Variants in PTPRD observed in about 807,000 individuals in gnomAD.
PTPRD encodes receptor-type tyrosine-protein phosphatase delta.
A neutral mutation model predicts 214.5 loss-of-function variants in PTPRD; 34 were observed. That is an observed-to-expected ratio of 0.16 (90% CI 0.12 to 0.21). The LOEUF (loss-of-function observed/expected upper bound fraction) is 0.21, where lower values mean the gene tolerates loss of function less well. Among genes scored for constraint, PTPRD ranks in the 10% least tolerant of loss-of-function variants. The pLI, the probability that PTPRD is intolerant of heterozygous loss-of-function variation, is 1.00. For synonymous variants in PTPRD, 1,128 were observed against 845.7 expected, an observed-to-expected ratio of 1.33 and a Z score of -5.79; for missense variants, 2,545 against 2,398.7, an observed-to-expected ratio of 1.06 and a Z score of -1.27.
In PTPRD at chr9:9,505,299, T is replaced by G. The variant is rs181604343; in HGVS notation, c.-237+69433A>C. Among the ~76,000 whole-genome samples, 138 of 151,750 alleles carry G rather than the reference T, an allele frequency of 9.1e-4. 1 individual carries two copies. The highest frequency in any genetic ancestry group is 3.0e-3 in the African/African-American group (125 of 41,496). On this transcript the variant is annotated intron_variant, in intron 8 of 45. Coordinates refer to ENST00000381196, the MANE Select transcript of PTPRD (RefSeq NM_002839.4). ...AGATCCATTTTTTTAAATCCTTCTC[T>G]TCTTTATAGATCATTTCATATCGTC...
At chr9:10,029,013 G>A (rs965218904) in intron 4 of PTPRD, among the ~76,000 whole-genome samples, 2 of 152,120 alleles carry the variant, frequency 1.3e-5, no homozygotes, top group Non-Finnish European at 2.9e-5. Context: ...GGTGCCCTGT[G>A]TCCCAGCTGC....
intron 14 of PTPRD, among the ~76,000 whole-genome samples, chr9:8,627,685 T>C (rs1209462149): frequency 2.0e-5 from 3 of 151,736 alleles, no homozygotes; most frequent in Non-Finnish European, 2.9e-5. Flanking sequence ...CCTCAAAAGA[T>C]AGATCAGAAG....
chr9:10,303,778 A>G (rs1255679668), intron 3 of PTPRD, among the ~76,000 whole-genome samples: 1 of 152,162 alleles, frequency 6.6e-6, no homozygotes, highest in African/African-American at 2.4e-5. Context: ...TTAATAGTCT[A>G]CCAACCAAAA....
intron 7 of PTPRD, among the ~76,000 whole-genome samples, chr9:9,579,936 AAGAG>A (rs1300755822): frequency 6.6e-6 from 1 of 152,098 alleles, no homozygotes; most frequent in Admixed American, 6.6e-5. Context: ...TCCCACTTAT[AAGAG>A]AGAATATGCA....
intron 14 of PTPRD, among the ~76,000 whole-genome samples, chr9:8,607,529 G>C (rs1275111120): frequency 6.6e-6 from 1 of 152,160 alleles, no homozygotes; most frequent in East Asian, 1.9e-4. Context: ...TGTAATACCA[G>C]CTGCTCAGGA....
chr9:8,496,344 C>T (rs185448554), intron 26 of PTPRD, among the ~76,000 whole-genome samples: 1 of 152,172 alleles, frequency 6.6e-6, no homozygotes, highest in Admixed American at 6.5e-5. Context: ...TGACACTGTC[C>T]ACTAATTTAC....
intron 10 of PTPRD, among the ~76,000 whole-genome samples, chr9:9,102,084 A>T (rs1370606334): frequency 6.6e-6 from 1 of 152,018 alleles, no homozygotes; most frequent in Non-Finnish European, 1.5e-5. Context: ...AAGCATACAG[A>T]CTCTTCTTTT....
At position 8,485,259 on chromosome 9, in the gene PTPRD, G is replaced by C. The variant is rs2135859528; in HGVS notation, c.3121C>G (p.Pro1041Ala). 1 of 1,613,960 alleles carries C rather than the reference G, an allele frequency of 6.2e-7. No individual in the cohort carries two copies. The highest frequency in any genetic ancestry group is 8.5e-7 in the Non-Finnish European group (1 of 1,179,938). The change falls in exon 29 of 46, where the codon CCA (proline) becomes GCA (alanine). Residue 1041 changes from proline to alanine, a missense_variant. Coordinates refer to ENST00000381196, the MANE Select transcript of PTPRD (RefSeq NM_002839.4). ...GGCATGGCGGAGTTATAATTCTCTG[G>C]AATCTCCCAAGACAGCAACACGGAA... ...KTSVLLSWEI[P>A]ENYNSAMPFK...
At chr9:9,301,744 T>C (rs1237785757) in intron 9 of PTPRD, among the ~76,000 whole-genome samples, 2 of 151,908 alleles carry the variant, frequency 1.3e-5, no homozygotes, top group Non-Finnish European at 2.9e-5. Flanking sequence ...ATTGCACTAA[T>C]TATAGGTATA....
intron 11 of PTPRD, among the ~76,000 whole-genome samples, chr9:8,996,060 G>A (rs562496392): frequency 6.6e-6 from 1 of 151,934 alleles, no homozygotes; most frequent in Non-Finnish European, 1.5e-5. Context: ...TTCTTATAAA[G>A]GTAAACATAC....
At chr9:9,794,690 G>A (rs2098990962) in intron 5 of PTPRD, among the ~76,000 whole-genome samples, 1 of 152,104 alleles carries the variant, frequency 6.6e-6, no homozygotes, top group South Asian at 2.1e-4. Context: ...GAATTACTAT[G>A]TTCTCAATTT....
At chr9:9,578,319 T>G (rs1463256886) in intron 7 of PTPRD, among the ~76,000 whole-genome samples, 1 of 152,086 alleles carries the variant, frequency 6.6e-6, no homozygotes, top group East Asian at 1.9e-4. Context: ...TTTTAGTATT[T>G]CTGTAGATAA....
At chr9:8,546,769 G>A (rs959620355) in intron 14 of PTPRD, among the ~76,000 whole-genome samples, 5 of 152,136 alleles carry the variant, frequency 3.3e-5, no homozygotes, top group Non-Finnish European at 7.4e-5. Context: ...CCAAAGTCCT[G>A]GGATTCCAGG....
At chr9:9,614,446 G>C (rs2094727291) in intron 7 of PTPRD, among the ~76,000 whole-genome samples, 1 of 152,106 alleles carries the variant, frequency 6.6e-6, no homozygotes, top group Non-Finnish European at 1.5e-5. Context: ...TCAATGCAAT[G>C]TAAAAGACTG....
rs567233377 is a variant in PTPRD at position 9,420,506 on chromosome 9, C to T, written c.-236-23024G>A. On this transcript the variant is annotated intron_variant, in intron 8 of 45. Transcript: ENST00000381196. ...TATTTTAAAATACCTACACTGTAAT[C>T]GGGGAATACAAATCAAAATTTTACA... Among the ~76,000 whole-genome samples the T allele has an allele frequency of 3.3e-5, 5 of 151,862 alleles. No homozygotes were observed. The South Asian group carries it at 8.3e-4, about 25-fold the overall frequency.
In PTPRD at chr9:9,308,467, T is replaced by A. The variant is rs535169343; in HGVS notation, c.-203+88982A>T. 3.3e-5 allele frequency among the ~76,000 whole-genome samples: 5 copies of A among 152,310 alleles called. No individual in the cohort carries two copies. In the South Asian group the frequency reaches 1.0e-3, roughly 32 times the overall value. The stretch of plus-strand genomic sequence containing the variant: ...TAATATCATGTTACTTATTGAAGCA[T>A]CATTTCTTGAGAATAAATCATTGGA... On this transcript the variant is annotated intron_variant, in intron 9 of 45. Coordinates refer to ENST00000381196, the MANE Select transcript of PTPRD (RefSeq NM_002839.4).
chr9:9,142,081 G>A (rs1254498927), intron 10 of PTPRD, among the ~76,000 whole-genome samples: 1 of 152,246 alleles, frequency 6.6e-6, no homozygotes, highest in Non-Finnish European at 1.5e-5. Context: ...CAATGTGCCA[G>A]TCTGTTCCTT....
intron 6 of PTPRD, among the ~76,000 whole-genome samples, chr9:9,756,555 G>C (rs1368572640): frequency 2.6e-5 from 4 of 152,070 alleles, no homozygotes; most frequent in Non-Finnish European, 5.9e-5. Flanking sequence ...TATTCAAGTG[G>C]AGCAGATAGG....
intron 7 of PTPRD, among the ~76,000 whole-genome samples, chr9:9,724,589 G>A (rs1315760859): frequency 6.6e-6 from 1 of 152,266 alleles, no homozygotes; most frequent in East Asian, 1.9e-4. Flanking sequence ...TCCTTAAGTG[G>A]ATGAAAGAAG....
Sources: gnomAD v4.1 joint callset for allele counts (sites outside exome capture counted in the v4.1 genomes callset) on GRCh38, gnomAD v4.1.1 for gene constraint, MANE v1.5 for transcripts, NCBI Gene and HGNC (gene_info 2026-07-23, HGNC 2026-07-21) for gene names.